Variants in SUPT3H observed in about 807,000 individuals in gnomAD.
SUPT3H encodes the protein transcription initiation protein SPT3 homolog.
A neutral mutation model predicts 44.3 loss-of-function variants in SUPT3H; 44 were observed. The observed-to-expected ratio is 0.99, with a 90% CI of 0.78 to 1.28. SUPT3H has a LOEUF of 1.28. Among genes scored for constraint, SUPT3H ranks in the 50% most tolerant of loss-of-function variants. The probability of loss-of-function intolerance (pLI) is 0.00; values close to 1 mark genes in which losing one functional copy is unlikely to be tolerated. For synonymous variants in SUPT3H, 124 were observed against 125.6 expected (o/e 0.99, Z 0.09); for missense variants, 380 against 387.1 (o/e 0.98, Z 0.15).
intron 1 of SUPT3H, chr6:45,377,551 A>C (rs923139207): frequency 2.6e-5 from 4 of 152,234 alleles, no homozygotes; most frequent in African/African-American, 9.7e-5. Flanking sequence ...CGGCAGCGGA[A>C]CCAGGGCGCT....
chr6:45,318,363 C>A (rs1785012651), intron 2 of SUPT3H, among the ~76,000 whole-genome samples: 1 of 152,020 alleles, frequency 6.6e-6, no homozygotes, highest in Admixed American at 6.6e-5. Context: ...TTGGCAAAAC[C>A]TATGAAATGG....
rs562124224 is a variant in SUPT3H, at chr6:44,901,935, T to C, written c.912+30718A>G. On this transcript the variant is annotated intron_variant, in intron 10 of 10. Coordinates refer to ENST00000371459, the MANE Select transcript of SUPT3H (RefSeq NM_003599.4). ...ATCCAGCCAAACTAAGCTTCAGAAG[T>C]GAAGGAGAAATAAAATCCTTTACAG... 5.6e-3 allele frequency among the ~76,000 whole-genome samples: 858 copies of C among 152,174 alleles called. 4 individuals carry two copies. The highest frequency in any genetic ancestry group is 9.9e-3 in the Non-Finnish European group (675 of 68,006).
intron 3 of SUPT3H, among the ~76,000 whole-genome samples, chr6:45,085,045 T>A (rs550678929): frequency 1.3e-5 from 2 of 151,996 alleles, no homozygotes. Flanking sequence ...ATCCTTCATA[T>A]CCCAAACCTC....
chr6:45,269,416 T>A (rs1775763850), intron 2 of SUPT3H, among the ~76,000 whole-genome samples: 1 of 152,214 alleles, frequency 6.6e-6, no homozygotes, highest in African/African-American at 2.4e-5. Context: ...GACTATACCA[T>A]TTTAATCATC....
At chr6:44,884,260 A>G (rs542947959) in intron 10 of SUPT3H, among the ~76,000 whole-genome samples, 3 of 152,356 alleles carry the variant, frequency 2.0e-5, no homozygotes, top group African/African-American at 7.2e-5. Flanking sequence ...AAAAAAGCTC[A>G]TCATCACTGG....
intron 10 of SUPT3H, among the ~76,000 whole-genome samples, chr6:44,850,766 A>ATCTG (rs1234616651): frequency 6.6e-6 from 1 of 151,878 alleles, no homozygotes; most frequent in African/African-American, 2.4e-5. Flanking sequence ...CTATCTATCT[A>ATCTG]TCTATCTATC....
intron 6 of SUPT3H, among the ~76,000 whole-genome samples, chr6:44,963,816 G>A (rs143573618): frequency 0.018 from 2,716 of 151,974 alleles, 38 homozygotes; most frequent in Non-Finnish European, 0.027. Context: ...TGGCTAACAC[G>A]GTGAAACCCC....
chr6:44,916,388 C>T (rs1767806615), intron 10 of SUPT3H, among the ~76,000 whole-genome samples: 1 of 152,188 alleles, frequency 6.6e-6, no homozygotes, highest in Admixed American at 6.5e-5. Flanking sequence ...CCCTTACTGC[C>T]TCTAAGCCTT....
chr6:44,849,834 T>C (rs1772580572), intron 10 of SUPT3H, among the ~76,000 whole-genome samples: 1 of 152,212 alleles, frequency 6.6e-6, no homozygotes, highest in South Asian at 2.1e-4. Context: ...ACCAGATGTA[T>C]GGCCTGAGTA....
At chr6:44,863,508 A>G (rs1156235945) in intron 10 of SUPT3H, among the ~76,000 whole-genome samples, 1 of 152,174 alleles carries the variant, frequency 6.6e-6, no homozygotes, top group Non-Finnish European at 1.5e-5. Flanking sequence ...GTAGTATAAT[A>G]TATGACCAAA....
chr6:45,135,042 T>A (rs1295442476), intron 2 of SUPT3H, among the ~76,000 whole-genome samples: 3 of 152,202 alleles, frequency 2.0e-5, no homozygotes, highest in Admixed American at 2.0e-4. Flanking sequence ...TTACAGGTTG[T>A]ACCTTCAGGA....
chr6:44,930,975 T>C (rs1016608744), intron 10 of SUPT3H, among the ~76,000 whole-genome samples: 1 of 152,154 alleles, frequency 6.6e-6, no homozygotes, highest in Non-Finnish European at 1.5e-5. Context: ...AAGTACCAGG[T>C]TGGACATGGG....
chr6:45,360,171 A>C (rs371273279), intron 2 of SUPT3H, among the ~76,000 whole-genome samples: 74 of 152,324 alleles, frequency 4.9e-4, no homozygotes, highest in African/African-American at 1.7e-3. Flanking sequence ...ATTAATCCAG[A>C]ATTTGCCACT....
chr6:45,033,629 C>T (rs907426157), intron 3 of SUPT3H, among the ~76,000 whole-genome samples: 1 of 152,100 alleles, frequency 6.6e-6, no homozygotes, highest in South Asian at 2.1e-4. Flanking sequence ...AGAAATCAGA[C>T]AACTGCAAGA....
At chr6:45,375,461 G>T (rs926175042) in intron 1 of SUPT3H, among the ~76,000 whole-genome samples, 2 of 152,136 alleles carry the variant, frequency 1.3e-5, no homozygotes, top group African/African-American at 4.8e-5. Flanking sequence ...TATATTATGA[G>T]CTATTCTCTC....
chr6:45,078,814 T>G (rs868239760), intron 3 of SUPT3H, among the ~76,000 whole-genome samples: 1 of 152,216 alleles, frequency 6.6e-6, no homozygotes. Context: ...AATATACGGA[T>G]AGTCTAATGG....
rs565343996 is a variant in SUPT3H at position 44,838,498 on chromosome 6, G to A, written c.913-8641C>T. ...TCACACAGCTGAGATCTGAGTTGGG[G>A]ACGGGAAGGGGATGGGTTCAGGGGA... is the stretch of plus-strand genomic sequence containing the variant. On this transcript the variant is annotated intron_variant, in intron 10 of 10. Transcript: ENST00000371459. Among the ~76,000 whole-genome samples the A allele has an allele frequency of 5.9e-5, 9 of 152,302 alleles. 1 individual carries two copies. In the South Asian group the frequency reaches 1.9e-3, roughly 32 times the overall value.
chr6:45,107,070 G>C (rs1174838044), intron 2 of SUPT3H, among the ~76,000 whole-genome samples: 1 of 152,126 alleles, frequency 6.6e-6, no homozygotes, highest in Admixed American at 6.6e-5. Flanking sequence ...TTCAAGAATG[G>C]ATTAAAAAGG....
At chr6:44,972,340 C>T (rs1421989074) in intron 6 of SUPT3H, among the ~76,000 whole-genome samples, 1 of 152,280 alleles carries the variant, frequency 6.6e-6, no homozygotes, top group Non-Finnish European at 1.5e-5. Flanking sequence ...AAAATGATCT[C>T]TTTTGACTCC....
Sources: allele counts gnomAD v4.1 joint callset (sites outside exome capture counted in the v4.1 genomes callset), GRCh38; gene constraint gnomAD v4.1.1; transcripts MANE v1.5; gene names NCBI Gene and HGNC (gene_info 2026-07-23, HGNC 2026-07-21).